Variants in IQCJ observed in about 807,000 individuals in gnomAD.
The protein encoded by IQCJ is IQ motif containing J, also known as IQ domain-containing protein J.
A neutral mutation model predicts 11.0 loss-of-function variants in IQCJ; 9 were observed. That is an observed-to-expected ratio of 0.82 (90% CI 0.49 to 1.43). IQCJ has a LOEUF of 1.43. Ranked by LOEUF, IQCJ falls within the 40% of genes most tolerant of loss-of-function variation. The pLI, the probability that IQCJ is intolerant of heterozygous loss-of-function variation, is 0.00. For missense variants in IQCJ, 146 were observed against 133.2 expected, an observed-to-expected ratio of 1.10 and a Z score of -0.47; for synonymous variants, 55 against 51.3, an observed-to-expected ratio of 1.07 and a Z score of -0.31.
At chr3:159,069,782 A>G (rs1370550773) in intron 1 of IQCJ, 1 of 511,292 alleles carries the variant, frequency 2.0e-6, no homozygotes, top group East Asian at 5.2e-5. Context: ...GAGGAAAAAT[A>G]CATTTTTCAC....
chr3:159,117,630 G>C (rs1255830971), intron 1 of IQCJ, among the ~76,000 whole-genome samples: 2 of 152,130 alleles, frequency 1.3e-5, no homozygotes, highest in Non-Finnish European at 2.9e-5. Flanking sequence ...TTCTGGTTCT[G>C]GATCTTCCAT....
chr3:159,264,733 G>A (rs988288642), downstream of IQCJ, among the ~76,000 whole-genome samples: 1 of 152,016 alleles, frequency 6.6e-6, no homozygotes, highest in Non-Finnish European at 1.5e-5. Context: ...CTAACATAGC[G>A]AAACCCTGTC....
intron 1 of IQCJ, among the ~76,000 whole-genome samples, chr3:159,182,170 G>T (rs1355308664): frequency 6.6e-6 from 1 of 151,320 alleles, no homozygotes; most frequent in African/African-American, 2.4e-5. Flanking sequence ...TCTTGGCTTG[G>T]CTATTCCTAC....
intron 1 of IQCJ, among the ~76,000 whole-genome samples, chr3:159,149,612 G>A (rs1272356078): frequency 6.6e-6 from 1 of 152,148 alleles, no homozygotes. Flanking sequence ...TGATATTCCT[G>A]GGAAAGCCTT....
intron 1 of IQCJ, among the ~76,000 whole-genome samples, chr3:159,091,041 T>C (rs1360088546): frequency 6.6e-6 from 1 of 151,896 alleles, no homozygotes; most frequent in Non-Finnish European, 1.5e-5. Flanking sequence ...AAAATGATGT[T>C]AATATAATTA....
intron 2 of IQCJ, among the ~76,000 whole-genome samples, chr3:159,251,654 G>A (rs1470270377): frequency 6.6e-6 from 1 of 151,938 alleles, no homozygotes; most frequent in Non-Finnish European, 1.5e-5. Flanking sequence ...CTTACCACAT[G>A]CACAAGTACT....
chr3:159,119,881 G>A (rs376753181), intron 1 of IQCJ, among the ~76,000 whole-genome samples: 2 of 152,016 alleles, frequency 1.3e-5, no homozygotes, highest in African/African-American at 2.4e-5. Flanking sequence ...CCTGTTTTCT[G>A]TATTCACCTT....
In IQCJ at chr3:159,256,420, G is replaced by A. The variant is rs369708632; in HGVS notation, c.155+3613G>A. 1.7e-4 allele frequency among the ~76,000 whole-genome samples: 26 copies of A among 152,242 alleles called. 1 individual carries two copies. In the East Asian group the frequency reaches 4.8e-3, roughly 28 times the overall value. ...GCATTCCCAAAAGAACTTTAAAGAT[G>A]TTTAGTAAACCCTTATTAAATTGCA... On this transcript the variant is annotated intron_variant, in intron 3 of 3. Coordinates refer to ENST00000397832, the MANE Select transcript of IQCJ (RefSeq NM_001042706.3).
At chr3:159,236,764 A>G (rs1456579856) in intron 1 of IQCJ, among the ~76,000 whole-genome samples, 1 of 152,226 alleles carries the variant, frequency 6.6e-6, no homozygotes, top group East Asian at 1.9e-4. Flanking sequence ...CAGAGTTAAA[A>G]TTACTATAGA....
chr3:159,153,077 A>G (rs192737692), intron 1 of IQCJ, among the ~76,000 whole-genome samples: 3 of 152,070 alleles, frequency 2.0e-5, no homozygotes, highest in Admixed American at 2.0e-4. Context: ...AGAGAAGTAT[A>G]TAATATATTT....
intron 2 of IQCJ, among the ~76,000 whole-genome samples, chr3:159,249,076 G>C (rs1347834304): frequency 1.3e-5 from 2 of 151,962 alleles, no homozygotes; most frequent in African/African-American, 4.8e-5. Flanking sequence ...GGCTGGTCTC[G>C]AACTCCTGAC....
intron 1 of IQCJ, among the ~76,000 whole-genome samples, chr3:159,244,896 G>A (rs932643726): frequency 2.6e-5 from 4 of 152,124 alleles, no homozygotes; most frequent in Non-Finnish European, 2.9e-5. Flanking sequence ...TCTGGTGGGG[G>A]GTAAGTGGTG....
At chr3:159,254,242 A>C (rs191116993) in intron 3 of IQCJ, among the ~76,000 whole-genome samples, 62 of 152,268 alleles carry the variant, frequency 4.1e-4, no homozygotes, top group Admixed American at 1.5e-3. Flanking sequence ...TGCTGAAATT[A>C]AGTTAGAAAA....
At chr3:159,133,373 A>G (rs1418505502) in intron 1 of IQCJ, among the ~76,000 whole-genome samples, 2 of 152,244 alleles carry the variant, frequency 1.3e-5, no homozygotes, top group Non-Finnish European at 2.9e-5. Flanking sequence ...AAAACATGTG[A>G]AGGTGAGATG....
chr3:159,261,177 G>A (rs1217453919), intron 3 of IQCJ, among the ~76,000 whole-genome samples: 1 of 152,134 alleles, frequency 6.6e-6, no homozygotes, highest in Non-Finnish European at 1.5e-5. Flanking sequence ...TAATGACATA[G>A]GTTGTGTGTG....
intron 3 of IQCJ, among the ~76,000 whole-genome samples, chr3:159,260,544 G>A (rs147475750): frequency 7.9e-5 from 12 of 152,260 alleles, no homozygotes; most frequent in African/African-American, 2.9e-4. Flanking sequence ...CAACTCAGAG[G>A]ATGTGAACAT....
intron 1 of IQCJ, among the ~76,000 whole-genome samples, chr3:159,145,884 C>G (rs562694374): frequency 1.3e-5 from 2 of 152,206 alleles, no homozygotes; most frequent in East Asian, 1.9e-4. Flanking sequence ...TAACCTGGAA[C>G]AGGATGGAAA....
intron 1 of IQCJ, among the ~76,000 whole-genome samples, chr3:159,090,657 G>A (rs1717206007): frequency 6.6e-6 from 1 of 151,782 alleles, no homozygotes; most frequent in Non-Finnish European, 1.5e-5. Flanking sequence ...TGAGGTGAGA[G>A]TAGGAGAAAT....
intron 1 of IQCJ, among the ~76,000 whole-genome samples, chr3:159,129,723 G>A (rs1719887004): frequency 2.6e-5 from 4 of 152,134 alleles, no homozygotes; most frequent in Non-Finnish European, 5.9e-5. Flanking sequence ...GTTTCATTTT[G>A]AACTAATATA....
Sources: gnomAD v4.1 joint callset for allele counts (sites outside exome capture counted in the v4.1 genomes callset) on GRCh38, gnomAD v4.1.1 for gene constraint, MANE v1.5 for transcripts, NCBI Gene and HGNC (gene_info 2026-07-23, HGNC 2026-07-21) for gene names.